GRHL2: variants seen among roughly 807,000 people sequenced by gnomAD.
GRHL2 encodes the protein grainyhead like transcription factor 2.
A neutral mutation model predicts 83.8 loss-of-function variants in GRHL2; 21 were observed. The ratio of observed to expected loss-of-function variants is 0.25; its 90% CI spans 0.18 to 0.36. The LOEUF is 0.36. Ranked by LOEUF, GRHL2 falls within the 10% of genes least tolerant of loss-of-function variation. The pLI is 1.00. For missense variants in GRHL2, 623 were observed against 781.8 expected (o/e 0.80, Z 2.42); for synonymous variants, 280 against 278.9 (o/e 1.00, Z -0.04).
At position 101,666,795 on chromosome 8, in the gene GRHL2, C is replaced by G; in HGVS notation, c.*92C>G. ...CCAGCCCCAGAACCTGGAGACCCAT[C>G]TCCCCCATCTCACAACTGCTGTTAC... On this transcript the variant is annotated 3_prime_UTR_variant, in exon 16 of 16. Transcript: ENST00000646743. 1 of 784,888 alleles carries G rather than the reference C, an allele frequency of 1.3e-6. No individual in the cohort carries two copies. The highest frequency in any genetic ancestry group is 1.4e-5 in the South Asian group (1 of 70,196). The allele number at this position is 784,888 out of a possible 1,614,324, so 48.6% of individuals were successfully genotyped here.
chr8:101,592,437 C>G (rs1477655146), intron 7 of GRHL2, among the ~76,000 whole-genome samples: 3 of 152,012 alleles, frequency 2.0e-5, no homozygotes, highest in African/African-American at 7.3e-5. Context: ...GTGGAGTGAA[C>G]CAAAGGCACC....
chr8:101,516,139 G>A (rs958703943), intron 1 of GRHL2, among the ~76,000 whole-genome samples: 7 of 152,098 alleles, frequency 4.6e-5, no homozygotes, highest in Admixed American at 1.3e-4. Flanking sequence ...AGGAGGTCCG[G>A]TGCCCATTTG....
At chr8:101,513,556 TC>T (rs1810509272) in intron 1 of GRHL2, among the ~76,000 whole-genome samples, 2 of 128,104 alleles carry the variant, frequency 1.6e-5, no homozygotes, top group Admixed American at 1.0e-4. Context: ...GTGCATTGGC[TC>T]GATCTCAGCT....
At chr8:101,672,661 T>A (rs1356519468), downstream of GRHL2, among the ~76,000 whole-genome samples, 1 of 151,812 alleles carries the variant, frequency 6.6e-6, no homozygotes, top group Non-Finnish European at 1.5e-5. Context: ...TTCCCCAATC[T>A]AGCAAGGCAG....
intron 1 of GRHL2, among the ~76,000 whole-genome samples, chr8:101,498,777 G>A (rs1408502225): frequency 6.6e-6 from 1 of 152,122 alleles, no homozygotes; most frequent in African/African-American, 2.4e-5. Context: ...GGAGAATTTA[G>A]AAAAGTAGTT....
chr8:101,559,199 T>C (rs1368211890), intron 4 of GRHL2, among the ~76,000 whole-genome samples: 1 of 151,960 alleles, frequency 6.6e-6, no homozygotes, highest in African/African-American at 2.4e-5. Context: ...GTAGGGCTTG[T>C]CCATTCTTTT....
chr8:101,572,159 T>C (rs1253529031), intron 5 of GRHL2, among the ~76,000 whole-genome samples: 1 of 152,208 alleles, frequency 6.6e-6, no homozygotes, highest in African/African-American at 2.4e-5. Flanking sequence ...TTTCTTCATG[T>C]TTTCAAAGCA....
At chr8:101,575,215 T>C (rs1811908839) in intron 6 of GRHL2, among the ~76,000 whole-genome samples, 1 of 152,142 alleles carries the variant, frequency 6.6e-6, no homozygotes, top group Non-Finnish European at 1.5e-5. Context: ...GCTTTTTTTT[T>C]TTTAAGCCTT....
chr8:101,582,145 G>A (rs1233030389), intron 7 of GRHL2, among the ~76,000 whole-genome samples: 3 of 151,404 alleles, frequency 2.0e-5, no homozygotes, highest in African/African-American at 7.3e-5. Flanking sequence ...GACTGAGGCA[G>A]GAGAATCCCT....
At chr8:101,649,179 A>G (rs1282248360) in intron 13 of GRHL2, among the ~76,000 whole-genome samples, 1 of 152,180 alleles carries the variant, frequency 6.6e-6, no homozygotes, top group Non-Finnish European at 1.5e-5. Context: ...AAAGCATCCT[A>G]CGGCCGGGTT....
In GRHL2 at chr8:101,577,640, A is replaced by G. The variant is rs1380220979; in HGVS notation, c.1003+121A>G. The G allele has an allele frequency of 4.1e-6, 3 of 730,136 alleles. No individual in the cohort carries two copies. The East Asian group carries it at 7.9e-5, about 19-fold the overall frequency. The allele number at this position is 730,136 out of a possible 1,614,324, so 45.2% of individuals were successfully genotyped here. On this transcript the variant is annotated intron_variant, in intron 7 of 15. Coordinates refer to ENST00000646743, the MANE Select transcript of GRHL2 (RefSeq NM_024915.4). ...ACAGAGCTCTTATGATGTGCCCGGC[A>G]CTAGTCTATGTCAGGACATTTAGTG...
At chr8:101,597,039 A>G (rs1812405609) in intron 7 of GRHL2, among the ~76,000 whole-genome samples, 3 of 152,204 alleles carry the variant, frequency 2.0e-5, no homozygotes, top group African/African-American at 7.2e-5. Flanking sequence ...AAGTGCAAAT[A>G]TGTTGTCAGT....
At chr8:101,504,264 A>G (rs540047879) in intron 1 of GRHL2, among the ~76,000 whole-genome samples, 91 of 152,260 alleles carry the variant, frequency 6.0e-4, no homozygotes, top group African/African-American at 1.1e-3. Flanking sequence ...CTGTAGATTC[A>G]TTATCTGTGT....
At chr8:101,522,460 G>C (rs2130050283) in intron 1 of GRHL2, among the ~76,000 whole-genome samples, 1 of 152,304 alleles carries the variant, frequency 6.6e-6, no homozygotes, top group South Asian at 2.1e-4. Context: ...TTGAGCATCT[G>C]TGGGCCTGGA....
At chr8:101,678,407 T>C in the GRHL2 span, among the ~76,000 whole-genome samples, 1 of 152,072 alleles carries the variant, frequency 6.6e-6, no homozygotes. Context: ...CGAGATTATA[T>C]CCCGCACCTG....
At chr8:101,620,725 C>G (rs1170266782) in intron 9 of GRHL2, among the ~76,000 whole-genome samples, 1 of 152,076 alleles carries the variant, frequency 6.6e-6, no homozygotes, top group African/African-American at 2.4e-5. Flanking sequence ...AACAGGAAAC[C>G]TACAAAGTTT....
At chr8:101,603,340 A>T (rs1403296433) in intron 8 of GRHL2, among the ~76,000 whole-genome samples, 1 of 147,530 alleles carries the variant, frequency 6.8e-6, no homozygotes, top group Non-Finnish European at 1.5e-5. Flanking sequence ...TTATTTAAAA[A>T]ACAAAAAACA....
At chr8:101,594,882 G>GA (rs1451739627) in intron 7 of GRHL2, among the ~76,000 whole-genome samples, 2 of 152,158 alleles carry the variant, frequency 1.3e-5, no homozygotes, top group Non-Finnish European at 2.9e-5. Flanking sequence ...TAACTAATGA[G>GA]AAATGTTGGT....
intron 8 of GRHL2, among the ~76,000 whole-genome samples, chr8:101,605,144 C>T (rs1336345213): frequency 6.6e-6 from 1 of 152,134 alleles, no homozygotes; most frequent in African/African-American, 2.4e-5. Context: ...AGTAAGGCAT[C>T]TGTTTTTATC....
Sources: gnomAD v4.1 joint callset for allele counts (sites outside exome capture counted in the v4.1 genomes callset) on GRCh38, gnomAD v4.1.1 for gene constraint, MANE v1.5 for transcripts, NCBI Gene and HGNC (gene_info 2026-07-23, HGNC 2026-07-21) for gene names.